The following FHIT variants were observed in gnomAD, a reference collection of about 807,000 sequenced individuals.
FHIT encodes fragile histidine triad diadenosine triphosphatase.
FHIT carries 19 observed loss-of-function variants against 17.9 expected under a neutral mutation model. The observed-to-expected ratio is 1.06, with a 90% CI of 0.74 to 1.56. The LOEUF is 1.56. Ranked by LOEUF, FHIT falls within the 40% of genes most tolerant of loss-of-function variation. FHIT has a pLI of 0.00. For missense variants in FHIT, 248 were observed against 189.2 expected (o/e 1.31, Z -1.82); for synonymous variants, 81 against 69.7 (o/e 1.16, Z -0.81).
chr3:60,680,873 C>T (rs1419552629), intron 4 of FHIT, among the ~76,000 whole-genome samples: 2 of 152,050 alleles, frequency 1.3e-5, no homozygotes, highest in East Asian at 1.9e-4. Context: ...TGTTGAAATC[C>T]CCAAATTGTT....
At chr3:60,198,315 T>C (rs1215145017) in intron 5 of FHIT, among the ~76,000 whole-genome samples, 1 of 152,168 alleles carries the variant, frequency 6.6e-6, no homozygotes, top group African/African-American at 2.4e-5. Context: ...ATATAAAAAT[T>C]GTGAATTCCT....
intron 7 of FHIT, among the ~76,000 whole-genome samples, chr3:59,942,017 T>C (rs1407485507): frequency 6.6e-6 from 1 of 152,154 alleles, no homozygotes; most frequent in Admixed American, 6.5e-5. Context: ...TAAAATCTTC[T>C]AAAGCCCTGA....
intron 3 of FHIT, among the ~76,000 whole-genome samples, chr3:60,913,747 C>T (rs1706858632): frequency 6.6e-6 from 1 of 152,198 alleles, no homozygotes; most frequent in Non-Finnish European, 1.5e-5. Context: ...GCTGGCTTCC[C>T]TTCATTCACA....
intron 4 of FHIT, among the ~76,000 whole-genome samples, chr3:60,559,067 T>A (rs2036842079): frequency 6.6e-6 from 1 of 152,222 alleles, no homozygotes; most frequent in African/African-American, 2.4e-5. Context: ...CGCATTTTTC[T>A]CTGAGCTTCC....
chr3:60,608,844 G>A (rs1553672245), intron 4 of FHIT, among the ~76,000 whole-genome samples: 1 of 152,140 alleles, frequency 6.6e-6, no homozygotes, highest in Non-Finnish European at 1.5e-5. Flanking sequence ...GAATTAGTCT[G>A]TAACAATTTC....
At chr3:60,461,216 T>C (rs778429437) in intron 5 of FHIT, among the ~76,000 whole-genome samples, 4 of 152,206 alleles carry the variant, frequency 2.6e-5, no homozygotes, top group Non-Finnish European at 5.9e-5. Flanking sequence ...TATTCAGTAG[T>C]GAGCCTTATT....
chr3:60,198,210 A>G (rs893176827), intron 5 of FHIT, among the ~76,000 whole-genome samples: 5 of 152,166 alleles, frequency 3.3e-5, no homozygotes, highest in African/African-American at 9.7e-5. Flanking sequence ...GAAATCAAAT[A>G]CATCTTATCT....
At chr3:60,683,579 C>T (rs1716738) in intron 4 of FHIT, among the ~76,000 whole-genome samples, 131,463 of 152,134 alleles carry the variant, frequency 0.86, 57,561 homozygotes, top group Non-Finnish European at 0.94. Flanking sequence ...ACTGTAAACA[C>T]AACTTTTATA....
chr3:59,821,022 CA>C (rs925290958), intron 8 of FHIT, among the ~76,000 whole-genome samples: 10 of 152,072 alleles, frequency 6.6e-5, no homozygotes, highest in African/African-American at 2.4e-4. Flanking sequence ...TTTCTGAATT[CA>C]AAGTGCAGAT....
chr3:59,824,536 G>C (rs1700909863), intron 8 of FHIT, among the ~76,000 whole-genome samples: 1 of 152,178 alleles, frequency 6.6e-6, no homozygotes, highest in African/African-American at 2.4e-5. Context: ...AGGCCCTTTG[G>C]TAATTTTCAT....
At chr3:60,477,043 A>G (rs974831094) in intron 5 of FHIT, among the ~76,000 whole-genome samples, 1 of 152,126 alleles carries the variant, frequency 6.6e-6, no homozygotes, top group Admixed American at 6.5e-5. Flanking sequence ...CATATGCTGA[A>G]TATAGTTCAG....
intron 5 of FHIT, among the ~76,000 whole-genome samples, chr3:60,059,077 C>A (rs1287719082): frequency 1.3e-5 from 2 of 152,114 alleles, no homozygotes; most frequent in African/African-American, 2.4e-5. Context: ...CCTCCCAACA[C>A]CCCCACCAGG....
intron 3 of FHIT, among the ~76,000 whole-genome samples, chr3:60,961,655 A>C (rs1177263827): frequency 2.0e-5 from 3 of 152,168 alleles, no homozygotes; most frequent in Admixed American, 1.3e-4. Flanking sequence ...ATGGCTAGCC[A>C]GTTTTCCCAG....
chr3:59,916,095 G>A (rs1490982039), intron 8 of FHIT, among the ~76,000 whole-genome samples: 1 of 152,100 alleles, frequency 6.6e-6, no homozygotes, highest in African/African-American at 2.4e-5. Flanking sequence ...TGAGTCAGTG[G>A]ACTGGGAGAG....
chr3:60,759,787 A>G (rs752140343), intron 4 of FHIT, among the ~76,000 whole-genome samples: 2 of 152,242 alleles, frequency 1.3e-5, no homozygotes, highest in Non-Finnish European at 2.9e-5. Flanking sequence ...GTGCATTCTG[A>G]GAAGCGGTGG....
At chr3:60,468,714 ATAC>A (rs1474315525) in intron 5 of FHIT, among the ~76,000 whole-genome samples, 4 of 152,138 alleles carry the variant, frequency 2.6e-5, no homozygotes, top group African/African-American at 7.2e-5. Flanking sequence ...AGTAGTTTAC[ATAC>A]TACAATAGTG....
chr3:60,820,292 C>T (rs1474614229), intron 4 of FHIT, among the ~76,000 whole-genome samples: 3 of 152,050 alleles, frequency 2.0e-5, no homozygotes, highest in South Asian at 2.1e-4. Context: ...TGGGCGACAG[C>T]GAGACTCCAT....
At chr3:60,069,783 A>T (rs1576024970) in intron 5 of FHIT, among the ~76,000 whole-genome samples, 1 of 152,188 alleles carries the variant, frequency 6.6e-6, no homozygotes, top group Non-Finnish European at 1.5e-5. Context: ...CAGAATCCAT[A>T]AAACAGTCAT....
chr3:59,903,057 T>A (rs1044380010), intron 8 of FHIT, among the ~76,000 whole-genome samples: 1 of 152,188 alleles, frequency 6.6e-6, no homozygotes, highest in South Asian at 2.1e-4. Context: ...ACACAGTATA[T>A]CTTAAATATA....
Sources: allele counts gnomAD v4.1 joint callset (sites outside exome capture counted in the v4.1 genomes callset), GRCh38; gene constraint gnomAD v4.1.1; transcripts MANE v1.5; gene names NCBI Gene and HGNC (gene_info 2026-07-23, HGNC 2026-07-21).